The following GPR50 variants were observed in gnomAD, a reference collection of about 807,000 sequenced individuals.
GPR50 encodes the protein G protein-coupled receptor 50.
A neutral mutation model predicts 2.6 loss-of-function variants in GPR50; 1 was observed. The observed-to-expected ratio is 0.38, with a 90% confidence interval of 0.13 to 1.79. The LOEUF is 1.79. Ranked by LOEUF, GPR50 falls within the 40% of genes most tolerant of loss-of-function variation. The pLI, the probability that GPR50 is intolerant of heterozygous loss-of-function variation, is 0.33. For missense variants in GPR50, 535 were observed against 522.1 expected, an observed-to-expected ratio of 1.02 and a Z score of -0.24; for synonymous variants, 233 against 202.3, an observed-to-expected ratio of 1.15 and a Z score of -1.29.
rs764521707 is a variant in GPR50 at position 151,180,238 on chromosome X, C to T, written c.655C>T (p.Arg219Cys). ...VRIWTKVLAA[R>C]DPAGQNPDNQ... is the part of the protein sequence containing the mutation. ...GATCTGGACCAAAGTGCTGGCGGCC[C>T]GTGACCCTGCAGGGCAGAATCCTGA... The change falls in exon 2 of 2, where the codon CGT becomes TGT. Residue 219 changes from arginine to cysteine, a missense_variant. Physicochemically the swap from Arg to Cys is radical, Grantham distance 180. Coordinates refer to ENST00000218316, the MANE Select transcript of GPR50 (RefSeq NM_004224.3). 1.0e-5 allele frequency: 12 copies of T among 1,206,013 alleles called. No homozygotes were observed. Among genetic ancestry groups the T allele is most frequent in the South Asian group, 3.5e-5 (2 of 56,925 alleles).
rs1308307744 is a variant in GPR50 at position 151,180,117 on chromosome X, C to T, written c.534C>T (p.Cys178=). 4 of 1,208,419 alleles carry T rather than the reference C, an allele frequency of 3.3e-6. No individual in the cohort carries two copies. The East Asian group carries it at 8.9e-5, about 27-fold the overall frequency. ...AGTACGATCCTCGCACCTACACCTG[C>T]ATCTTCAACTATCTGAACAACCCTG... ...TIEYDPRTYT[C]IFNYLNNPVF... Residue 178 remains cysteine (C), a synonymous_variant, in exon 2 of 2, where the codon TGC becomes TGT. Coordinates refer to ENST00000218316, the MANE Select transcript of GPR50 (RefSeq NM_004224.3).
In GPR50 at chrX:151,179,909, G is replaced by A. The variant is rs1394979471; in HGVS notation, c.326G>A (p.Gly109Glu). ...LQCQMVGFIT[G>E]LSVVGSIFNI... ...TGCCAGATGGTCGGGTTCATCACAG[G>A]GCTGAGTGTGGTCGGCTCCATCTTC... Residue 109 changes from glycine to glutamate, a missense_variant, in exon 2 of 2, where the codon GGG becomes GAG. Coordinates refer to ENST00000218316, the MANE Select transcript of GPR50 (RefSeq NM_004224.3). The A allele has an allele frequency of 8.3e-7, 1 of 1,211,160 alleles. No homozygotes were observed. The highest frequency in any genetic ancestry group is 3.0e-5 in the East Asian group (1 of 33,827).
chrX:151,179,214 G>A (rs1031946689), intron 1 of GPR50, among the ~76,000 whole-genome samples: 6 of 109,478 alleles, frequency 5.5e-5, no homozygotes, highest in African/African-American at 2.0e-4. Context: ...GTTACTGCTT[G>A]ATCCCATCGG....
At chrX:151,179,706 C>A (rs2048700096) in intron 1 of GPR50, 65 bp from the exon 2 acceptor site, 3 of 793,869 alleles carry the variant, frequency 3.8e-6, no homozygotes, top group Non-Finnish European at 5.5e-6. Flanking sequence ...GTGTAGATTT[C>A]TGTACTTAAA....
intron 1 of GPR50, 108 bp from the exon 2 acceptor site, chrX:151,179,663 A>G (rs2048699891): frequency 2.0e-6 from 1 of 511,323 alleles, no homozygotes; most frequent in Non-Finnish European, 3.3e-6. Flanking sequence ...ATAAAAGGTC[A>G]TAATCCAGCT....
chrX:151,180,985 A>G lies in GPR50; in HGVS notation c.1402A>G (p.Lys468Glu). 1 of 1,210,459 alleles carries G rather than the reference A, an allele frequency of 8.3e-7. No individual in the cohort carries two copies. The change falls in exon 2 of 2, where the codon AAG (lysine) becomes GAG (glutamate). Residue 468 changes from lysine to glutamate, a missense_variant. Lys to Glu is a moderately conservative substitution (Grantham distance 56, BLOSUM62 1). Transcript: ENST00000218316. ...TTTCAAGCCTGACTCTGTTCATTTC[A>G]AGCCTGCTTCCAGCAACCCCAAGCC... ...VHFKPDSVHFKPASSNPKPIT... is the reference protein window; with the variant it reads ...VHFKPDSVHFEPASSNPKPIT...
chrX:151,177,922 C>G (rs1366662848), intron 1 of GPR50: 12 of 107,390 alleles, frequency 1.1e-4, no homozygotes, highest in Non-Finnish European at 2.1e-4. Context: ...GGGAGGATGC[C>G]GGGCGCTGCG....
At position 151,176,828 on chromosome X, in the gene GPR50, T is replaced by C; in HGVS notation, c.107T>C (p.Val36Ala). The C allele has an allele frequency of 8.3e-7, 1 of 1,205,019 alleles. No individual in the cohort carries two copies. The highest frequency in any genetic ancestry group is 2.2e-5 in the Admixed American group (1 of 45,997). Reference sequence around the variant, plus strand: ...ATCATCTTTATGTTCTGCGCGATGGTTATCACCATCGTTGTAGACCTAATC... The same window carrying C: ...ATCATCTTTATGTTCTGCGCGATGGCTATCACCATCGTTGTAGACCTAATC... ...ALIIFMFCAM[V>A]ITIVVDLIGN... is the part of the protein sequence containing the mutation. Residue 36 changes from valine (V) to alanine (A), a missense_variant, in exon 1 of 2, where the codon GTT becomes GCT. Physicochemically the swap from Val to Ala is moderately conservative, Grantham distance 64. Coordinates refer to ENST00000218316, the MANE Select transcript of GPR50 (RefSeq NM_004224.3).
rs1356159983 is a variant in GPR50, at chrX:151,181,068, C to T, written c.1485C>T (p.Ala495=). Reference sequence around the variant, plus strand: ...ACTCCAAGTCTGCCTTCAGTGCTGCCACCAGCCACCCTAAACCCACCACTG... The same window carrying T: ...ACTCCAAGTCTGCCTTCAGTGCTGCTACCAGCCACCCTAAACCCACCACTG... ...GSHSKSAFSA[A]TSHPKPTTGH... The change falls in exon 2 of 2, where the codon GCC becomes GCT. Residue 495 remains alanine, a synonymous_variant. Transcript: ENST00000218316. 6.7e-6 allele frequency: 8 copies of T among 1,200,683 alleles called. No individual in the cohort carries two copies. Among genetic ancestry groups the T allele is most frequent in the Non-Finnish European group, 9.0e-6 (8 of 892,088 alleles).
At chrX:151,178,786 G>T (rs1392445517) in intron 1 of GPR50, among the ~76,000 whole-genome samples, 4 of 112,400 alleles carry the variant, frequency 3.6e-5, no homozygotes, top group Non-Finnish European at 7.5e-5. Flanking sequence ...AGGGCTCTGC[G>T]CCTGCACCTG....
chrX:151,177,834 C>T (rs1052304113), intron 1 of GPR50: 4 of 112,189 alleles, frequency 3.6e-5, no homozygotes, highest in East Asian at 2.9e-4. Flanking sequence ...GGCGGGACTT[C>T]CCCCGCTGCT....
At chrX:151,176,973 T>C in intron 1 of GPR50, 65 bp downstream of exon 1, 2 of 761,026 alleles carry the variant, frequency 2.6e-6, no homozygotes, top group Non-Finnish European at 3.9e-6. Context: ...GCGTTAGTTT[T>C]TGAGCTCCCC....
At chrX:151,182,480 A>G (rs1417553611), downstream of GPR50, 1 of 112,116 alleles carries the variant, frequency 8.9e-6, no homozygotes, top group African/African-American at 3.2e-5. Flanking sequence ...CGAATTGAAT[A>G]CTGCTGGGAG....
downstream of GPR50, among the ~76,000 whole-genome samples, chrX:151,181,913 T>A (rs1223112128): frequency 1.8e-5 from 2 of 112,791 alleles, no homozygotes; most frequent in Non-Finnish European, 3.7e-5. Context: ...CAGCTTTATG[T>A]TCTTCAATGT....
At position 151,181,000 on chromosome X, in the gene GPR50, A is replaced by G. The variant is rs757621208; in HGVS notation, c.1417A>G (p.Asn473Asp). The change falls in exon 2 of 2, where the codon AAC becomes GAC. Residue 473 changes from asparagine (N) to aspartate (D), a missense_variant. Transcript: ENST00000218316. ...TGTTCATTTCAAGCCTGCTTCCAGC[A>G]ACCCCAAGCCCATCACTGGCCACCA... ...DSVHFKPASS[N>D]PKPITGHHVS... 4.1e-5 allele frequency: 49 copies of G among 1,208,719 alleles called. No homozygotes were observed. The highest frequency in any genetic ancestry group is 5.0e-5 in the Non-Finnish European group (45 of 894,855).
At chrX:151,178,980 G>A (rs1233991068) in intron 1 of GPR50, among the ~76,000 whole-genome samples, 1 of 112,214 alleles carries the variant, frequency 8.9e-6, no homozygotes, top group Non-Finnish European at 1.9e-5. Flanking sequence ...GGCTCTGCGC[G>A]TGGACGTGGA....
rs763041518 is a variant in GPR50 at position 151,180,929 on chromosome X, A to C, written c.1346A>C (p.Asp449Ala). The part of the protein sequence containing the change: ...PKPASVHFKA[D>A]SVHFKGDSVH... ...CCTGCCTCTGTCCATTTCAAGGCTGACTCTGTCCATTTCAAGGGTGACTCT... is the reference window on the plus strand; with the variant it reads ...CCTGCCTCTGTCCATTTCAAGGCTGCCTCTGTCCATTTCAAGGGTGACTCT... The change falls in exon 2 of 2, where the codon GAC becomes GCC. Residue 449 changes from aspartate to alanine, a missense_variant. Physicochemically the swap from Asp to Ala is moderately radical, Grantham distance 126. Transcript: ENST00000218316. 33 of 1,207,239 alleles carry C rather than the reference A, an allele frequency of 2.7e-5. No homozygotes were observed. In the South Asian group the frequency reaches 3.9e-4, roughly 14 times the overall value.
intron 1 of GPR50, chrX:151,177,449 G>C (rs900156912): frequency 8.8e-6 from 1 of 113,011 alleles, no homozygotes; most frequent in East Asian, 2.8e-4. Context: ...GCTCCAGGAC[G>C]GCTCCCGGGC....
Position 151,181,314 on chromosome X carries a change from C to T in GPR50, c.1731C>T (p.Ser577=). Residue 577 remains serine, a synonymous_variant, in exon 2 of 2, where the codon AGC becomes AGT. Coordinates refer to ENST00000218316, the MANE Select transcript of GPR50 (RefSeq NM_004224.3). The part of the protein sequence containing the change: ...PAAGPTKPAA[S]QLESDTIADL... ...CTGGGCCCACCAAGCCTGCTGCCAGCCAGCTGGAGTCTGACACCATCGCTG... is the reference window on the plus strand; with the variant it reads ...CTGGGCCCACCAAGCCTGCTGCCAGTCAGCTGGAGTCTGACACCATCGCTG... The T allele has an allele frequency of 8.3e-7, 1 of 1,209,743 alleles. No homozygotes were observed. Among genetic ancestry groups the T allele is most frequent in the South Asian group, 1.8e-5 (1 of 56,927 alleles).
Sources: allele counts gnomAD v4.1 joint callset (sites outside exome capture counted in the v4.1 genomes callset), GRCh38; gene constraint gnomAD v4.1.1; transcripts MANE v1.5; gene names NCBI Gene and HGNC (gene_info 2026-07-23, HGNC 2026-07-21).